Variants in XDH observed in about 807,000 individuals in gnomAD.
The protein encoded by XDH is xanthine dehydrogenase/oxidase.
Under a neutral mutation model 156.1 loss-of-function variants are expected in XDH, and 138 were observed. The ratio of observed to expected loss-of-function variants is 0.88; its 90% CI spans 0.77 to 1.02. The LOEUF is 1.02. XDH is among the 50% of genes least tolerant of loss of function. The pLI is 0.00. For missense variants in XDH, 1,849 were observed against 1,684.9 expected (o/e 1.10, Z -1.71); for synonymous variants, 669 against 625.7 (o/e 1.07, Z -1.03).
chr2:31,339,407 G>A, intron 34 of XDH, 82 bp downstream of exon 34: 1 of 1,575,522 alleles, frequency 6.3e-7, no homozygotes, highest in Non-Finnish European at 8.7e-7. Context: ...CCACCAGGTG[G>A]GTCACTGAGG....
At chr2:31,342,781 C>A (rs536174257) in intron 31 of XDH, among the ~76,000 whole-genome samples, 1 of 152,270 alleles carries the variant, frequency 6.6e-6, no homozygotes, top group South Asian at 2.1e-4. Context: ...CTGGGTGCAT[C>A]TTTAAGCGGC....
intron 6 of XDH, among the ~76,000 whole-genome samples, chr2:31,392,031 G>T (rs1686779242): frequency 6.6e-6 from 1 of 152,092 alleles, no homozygotes; most frequent in East Asian, 1.9e-4. Flanking sequence ...TATGAGTTTT[G>T]GTAGCTTACA....
At chr2:31,358,671 A>C (rs1685690265) in intron 24 of XDH, among the ~76,000 whole-genome samples, 1 of 152,202 alleles carries the variant, frequency 6.6e-6, no homozygotes, top group African/African-American at 2.4e-5. Context: ...TGATCATATC[A>C]GTCAGTGCAG....
At chr2:31,410,366 G>A (rs1384083923) in intron 1 of XDH, among the ~76,000 whole-genome samples, 1 of 152,114 alleles carries the variant, frequency 6.6e-6, no homozygotes, top group Non-Finnish European at 1.5e-5. Flanking sequence ...AAATGATTAA[G>A]ATGGTAAATT....
intron 1 of XDH, among the ~76,000 whole-genome samples, chr2:31,414,269 C>T (rs572036679): frequency 1.3e-5 from 2 of 152,146 alleles, no homozygotes; most frequent in Admixed American, 1.3e-4. Context: ...TGATTAAAGA[C>T]AGAAATAGAA....
In XDH at chr2:31,350,069, C is replaced by T. The variant is rs754858896; in HGVS notation, c.2786G>A (p.Ser929Asn). ...QGMLIAECWM[S>N]EVAVTCGMPA... ...CATCCCACAGGTCACTGCAACTTCA[C>T]TCATCCAGCACTCGGCAATGAGCAT... is the stretch of plus-strand genomic sequence containing the variant. Residue 929 changes from serine to asparagine, a missense_variant, in exon 25 of 36, where the codon AGT (serine) becomes AAT (asparagine). Ser to Asn is a conservative substitution (Grantham distance 46). Transcript: ENST00000379416. 22 of 1,614,122 alleles carry T rather than the reference C, an allele frequency of 1.4e-5. No homozygotes were observed. In the East Asian group the frequency reaches 4.2e-4, roughly 31 times the overall value.
chr2:31,380,484 T>G (rs1572548503), intron 12 of XDH, among the ~76,000 whole-genome samples: 1 of 152,216 alleles, frequency 6.6e-6, no homozygotes, highest in East Asian at 1.9e-4. Flanking sequence ...GAGTCCAGAC[T>G]TTAGGCACAT....
chr2:31,337,872 A>T, intron 34 of XDH, 55 bp from the exon 35 acceptor site: 1 of 1,586,162 alleles, frequency 6.3e-7, no homozygotes, highest in Non-Finnish European at 8.6e-7. Flanking sequence ...CTGCCTCCAC[A>T]TCATCAAGTG....
rs367951158 is a variant in XDH at position 31,378,965 on chromosome 2, A to G, written c.1242+902T>C. Among the ~76,000 whole-genome samples the G allele has an allele frequency of 2.6e-5, 4 of 152,178 alleles. No homozygotes were observed. The East Asian group carries it at 5.8e-4, about 22-fold the overall frequency. ...TTAAGAAACCACCTCAGGGATATAA[A>G]TGCTCTAATTTAATTAGCATTCTCA... is the stretch of plus-strand genomic sequence containing the variant. On this transcript the variant is annotated intron_variant, in intron 13 of 35. Transcript: ENST00000379416.
At chr2:31,352,725 G>C (rs956306969) in intron 24 of XDH, among the ~76,000 whole-genome samples, 2 of 152,130 alleles carry the variant, frequency 1.3e-5, no homozygotes, top group Non-Finnish European at 2.9e-5. Context: ...TCTTATACTT[G>C]AAGAGAACAA....
At chr2:31,342,052 T>C (rs918880634) in intron 32 of XDH, 131 bp downstream of exon 32, 5 of 805,226 alleles carry the variant, frequency 6.2e-6, no homozygotes, top group Non-Finnish European at 1.0e-5. Flanking sequence ...CTTTATAGGA[T>C]GTTTGCCTAT....
chr2:31,358,507 A>C (rs1415440541), intron 24 of XDH, among the ~76,000 whole-genome samples: 2 of 152,180 alleles, frequency 1.3e-5, no homozygotes, highest in Non-Finnish European at 2.9e-5. Flanking sequence ...GGATCCAAAA[A>C]TCCTTAACAA....
chr2:31,411,004 G>C (rs1687327283), intron 1 of XDH, among the ~76,000 whole-genome samples: 1 of 152,084 alleles, frequency 6.6e-6, no homozygotes, highest in Non-Finnish European at 1.5e-5. Flanking sequence ...ATTTATTCTG[G>C]CCAGGCGCGG....
At chr2:31,368,747 G>A (rs1558690109) in intron 18 of XDH, 87 bp from the exon 19 acceptor site, 1 of 1,610,902 alleles carries the variant, frequency 6.2e-7, no homozygotes, top group East Asian at 2.2e-5. Flanking sequence ...GCCAAAAGAA[G>A]TCCCTGCCCT....
At chr2:31,353,249 A>G (rs1359939533) in intron 24 of XDH, among the ~76,000 whole-genome samples, 1 of 152,134 alleles carries the variant, frequency 6.6e-6, no homozygotes, top group Non-Finnish European at 1.5e-5. Context: ...CGTAGCTCCC[A>G]CTTCTGGTCT....
intron 24 of XDH, among the ~76,000 whole-genome samples, chr2:31,362,645 G>A (rs1685806345): frequency 6.6e-6 from 1 of 152,122 alleles, no homozygotes; most frequent in Non-Finnish European, 1.5e-5. Flanking sequence ...ATAGGTTCTT[G>A]AGCCAGTATT....
At chr2:31,364,111 C>A in intron 24 of XDH, 47 bp downstream of exon 24, 2 of 1,601,916 alleles carry the variant, frequency 1.2e-6, no homozygotes, top group Non-Finnish European at 1.7e-6. Context: ...AACAGGCTGA[C>A]CTCGAAGTCA....
intron 1 of XDH, among the ~76,000 whole-genome samples, chr2:31,412,634 TA>T (rs995853333): frequency 2.6e-5 from 4 of 150,966 alleles, no homozygotes; most frequent in African/African-American, 7.3e-5. Context: ...AGTATAATAA[TA>T]AAAAAAAAGA....
intron 28 of XDH, 80 bp from the exon 29 acceptor site, chr2:31,347,730 C>T: frequency 6.4e-7 from 1 of 1,553,336 alleles, no homozygotes; most frequent in Non-Finnish European, 8.8e-7. Context: ...ACAGGATTCA[C>T]ATTCACTGTT....
Sources: allele counts gnomAD v4.1 joint callset (sites outside exome capture counted in the v4.1 genomes callset), GRCh38; gene constraint gnomAD v4.1.1; transcripts MANE v1.5; gene names NCBI Gene and HGNC (gene_info 2026-07-23, HGNC 2026-07-21).